CSNK2A2IP: variants seen among roughly 807,000 people sequenced by gnomAD.
CSNK2A2IP encodes casein kinase II subunit alpha'-interacting protein.
At chr3:88,439,761 T>C in the CSNK2A2IP span, among the ~76,000 whole-genome samples, 1 of 142,090 alleles carries the variant, frequency 7.0e-6, no homozygotes, top group Non-Finnish European at 1.5e-5. Flanking sequence ...AAAAAAATCA[T>C]CGAAGAGTTA....
chr3:88,361,153 A>C, the CSNK2A2IP span, among the ~76,000 whole-genome samples: 1 of 152,214 alleles, frequency 6.6e-6, no homozygotes, highest in African/African-American at 2.4e-5. Flanking sequence ...CATGGAAATT[A>C]CAGTGATAGA....
At chr3:88,408,528 C>T in the CSNK2A2IP span, among the ~76,000 whole-genome samples, 2 of 152,044 alleles carry the variant, frequency 1.3e-5, no homozygotes, top group African/African-American at 4.8e-5. Flanking sequence ...GTAGGCTTGA[C>T]AATTCAGAAT....
chr3:88,386,446 A>G, the CSNK2A2IP span, among the ~76,000 whole-genome samples: 1 of 152,204 alleles, frequency 6.6e-6, no homozygotes, highest in Non-Finnish European at 1.5e-5. Context: ...ATTTCTCATA[A>G]AGAAACCACG....
At chr3:88,412,886 G>A in the CSNK2A2IP span, among the ~76,000 whole-genome samples, 1 of 151,944 alleles carries the variant, frequency 6.6e-6, no homozygotes, top group African/African-American at 2.4e-5. Context: ...TGGAACCACA[G>A]TTATATATGC....
chr3:88,420,284 T>C, the CSNK2A2IP span, among the ~76,000 whole-genome samples: 1 of 152,190 alleles, frequency 6.6e-6, no homozygotes, highest in Admixed American at 6.5e-5. Context: ...AAGAAAAATA[T>C]TATTGTTGGC....
At chr3:88,391,364 G>A in the CSNK2A2IP span, among the ~76,000 whole-genome samples, 2 of 152,184 alleles carry the variant, frequency 1.3e-5, no homozygotes, top group Middle Eastern at 3.4e-3. Context: ...GCTACACAAC[G>A]TGCTGGGTAT....
At chr3:88,446,059 T>C in the CSNK2A2IP span, among the ~76,000 whole-genome samples, 2 of 132,330 alleles carry the variant, frequency 1.5e-5, no homozygotes, top group African/African-American at 2.9e-5. Flanking sequence ...TCTTTCTTTC[T>C]TTCTTTCTTT....
chr3:88,418,463 T>TGTGCGCGCGCGCGCGCGCGC, the CSNK2A2IP span, among the ~76,000 whole-genome samples: 207 of 149,606 alleles, frequency 1.4e-3, 1 homozygote, highest in African/African-American at 4.6e-3. Flanking sequence ...TGTGTGTGTG[T>TGTGCGCGCGCGCGCGCGCGC]GCGCGCGGGC....
At chr3:88,370,614 T>C in the CSNK2A2IP span, among the ~76,000 whole-genome samples, 135 of 45,270 alleles carry the variant, frequency 3.0e-3, 1 homozygote, top group East Asian at 7.5e-3. Flanking sequence ...CTCTCTCTCT[T>C]TCTTTCTTTC....
At chr3:88,350,629 G>A in the CSNK2A2IP span, among the ~76,000 whole-genome samples, 1 of 149,976 alleles carries the variant, frequency 6.7e-6, no homozygotes, top group Non-Finnish European at 1.5e-5. Context: ...TCACAGAGCT[G>A]TAGTAAACAC....
At chr3:88,426,140 G>A in the CSNK2A2IP span, among the ~76,000 whole-genome samples, 2 of 152,016 alleles carry the variant, frequency 1.3e-5, no homozygotes, top group African/African-American at 4.8e-5. Context: ...ATAAAACATT[G>A]TTTTTGATAT....
At chr3:88,395,071 G>T in the CSNK2A2IP span, among the ~76,000 whole-genome samples, 1 of 152,144 alleles carries the variant, frequency 6.6e-6, no homozygotes, top group Non-Finnish European at 1.5e-5. Flanking sequence ...ACGCATATGT[G>T]CTCATTTGTG....
chr3:88,357,970 GC>G, the CSNK2A2IP span, among the ~76,000 whole-genome samples: 1 of 151,950 alleles, frequency 6.6e-6, no homozygotes, highest in African/African-American at 2.4e-5. Flanking sequence ...CAAGTGTTCT[GC>G]CCACCTCTGC....
chr3:88,405,732 G>A, the CSNK2A2IP span, among the ~76,000 whole-genome samples: 1 of 152,056 alleles, frequency 6.6e-6, no homozygotes, highest in Admixed American at 6.6e-5. Flanking sequence ...TTGGAACCCT[G>A]ACCAAAACAA....
At chr3:88,397,572 C>A in the CSNK2A2IP span, among the ~76,000 whole-genome samples, 1 of 151,726 alleles carries the variant, frequency 6.6e-6, no homozygotes, top group African/African-American at 2.4e-5. Flanking sequence ...TAGTGTATCA[C>A]TAGAAAGATA....
the CSNK2A2IP span, among the ~76,000 whole-genome samples, chr3:88,427,217 G>A: frequency 1.2e-4 from 18 of 152,282 alleles, no homozygotes; most frequent in African/African-American, 2.6e-4. Flanking sequence ...TTATGCTTTA[G>A]CAAAGAGGCT....
the CSNK2A2IP span, among the ~76,000 whole-genome samples, chr3:88,350,600 G>GAA: frequency 4.4e-3 from 488 of 111,442 alleles, 2 homozygotes; most frequent in East Asian, 0.019. Context: ...CAAAGATGAT[G>GAA]AAAAAAAAAA....
the CSNK2A2IP span, among the ~76,000 whole-genome samples, chr3:88,456,484 C>CT: frequency 6.6e-6 from 1 of 151,522 alleles, no homozygotes. Context: ...TTCTTTATTT[C>CT]TTTTTTTGGA....
chr3:88,386,356 C>T, the CSNK2A2IP span, among the ~76,000 whole-genome samples: 1 of 152,182 alleles, frequency 6.6e-6, no homozygotes, highest in Non-Finnish European at 1.5e-5. Flanking sequence ...AAACACCTGA[C>T]CTCAGGTGAT....
Sources: allele counts gnomAD v4.1 joint callset (sites outside exome capture counted in the v4.1 genomes callset), GRCh38; gene constraint gnomAD v4.1.1; transcripts MANE v1.5; gene names NCBI Gene and HGNC (gene_info 2026-07-23, HGNC 2026-07-21).